NAALAD2: variants seen among roughly 807,000 people sequenced by gnomAD.
NAALAD2 encodes the protein N-acetylated-alpha-linked acidic dipeptidase 2.
NAALAD2 carries 89 observed loss-of-function variants against 95.6 expected under a neutral mutation model. The observed-to-expected ratio is 0.93, with a 90% CI of 0.78 to 1.11. The LOEUF is 1.11. Ranked by LOEUF, NAALAD2 falls within the 50% of genes least tolerant of loss-of-function variation. The pLI is 0.00. For synonymous variants in NAALAD2, 264 were observed against 294.4 expected, an observed-to-expected ratio of 0.90 and a Z score of 1.06; for missense variants, 894 against 872.4, an observed-to-expected ratio of 1.02 and a Z score of -0.31.
chr11:90,134,941 G>T (rs1162657462), intron 1 of NAALAD2, 101 bp downstream of exon 1: 13 of 1,310,758 alleles, frequency 9.9e-6, no homozygotes, highest in Middle Eastern at 3.7e-4. Flanking sequence ...CTGTGCGCTA[G>T]CCCTGGCCGG....
Position 90,141,056 on chromosome 11 carries a change from G to A in NAALAD2, c.194+5386G>A, listed in dbSNP as rs572565295. On this transcript the variant is annotated intron_variant, in intron 2 of 18. Coordinates refer to ENST00000534061, the MANE Select transcript of NAALAD2 (RefSeq NM_005467.4). ...CTATTTCTAGATTCTCTCTTTTGTAGAGACAGAGTCTTATTCTGTTTCTGG... is the reference window on the plus strand; with the variant it reads ...CTATTTCTAGATTCTCTCTTTTGTAAAGACAGAGTCTTATTCTGTTTCTGG... Among the ~76,000 whole-genome samples the A allele has an allele frequency of 2.0e-5, 3 of 152,206 alleles. No individual in the cohort carries two copies. The East Asian group carries it at 5.8e-4, about 29-fold the overall frequency.
At chr11:90,154,026 CCTTCCT>C (rs1388835565) in intron 6 of NAALAD2, among the ~76,000 whole-genome samples, 1 of 82,792 alleles carries the variant, frequency 1.2e-5, no homozygotes, top group Non-Finnish European at 2.4e-5. Flanking sequence ...ACATGCCCTT[CCTTCCT>C]CTCTCTCTCT....
intron 6 of NAALAD2, among the ~76,000 whole-genome samples, chr11:90,155,743 G>GTAT (rs1451291426): frequency 8.6e-6 from 1 of 116,220 alleles, no homozygotes; most frequent in Non-Finnish European, 1.7e-5. Context: ...ACATATGTAT[G>GTAT]TATTATTACA....
At chr11:90,136,809 G>C (rs546612303) in intron 2 of NAALAD2, among the ~76,000 whole-genome samples, 2 of 152,268 alleles carry the variant, frequency 1.3e-5, no homozygotes, top group African/African-American at 4.8e-5. Context: ...ATAAGCATAA[G>C]TTTAACTTTT....
chr11:90,173,912 C>A lies in NAALAD2; in HGVS notation c.1499C>A (p.Pro500His), dbSNP rs1373471490. Reference protein sequence around the residue: ...KDPSPENKNLPRINKLGSGSD... With the variant: ...KDPSPENKNLHRINKLGSGSD... Reference sequence around the variant, plus strand: ...CCTTCACCTGAAAATAAAAATTTGCCTAGGTAAGTTACTGATATGCACCTT... The same window carrying A: ...CCTTCACCTGAAAATAAAAATTTGCATAGGTAAGTTACTGATATGCACCTT... The change falls in exon 14 of 19, where the codon CCT becomes CAT. Residue 500 changes from proline to histidine, a missense_variant. Transcript: ENST00000534061. 2 of 1,607,808 alleles carry A rather than the reference C, an allele frequency of 1.2e-6. No homozygotes were observed. The highest frequency in any genetic ancestry group is 2.7e-5 in the African/African-American group (2 of 74,562).
chr11:90,152,093 C>A (rs1314617113), intron 5 of NAALAD2, among the ~76,000 whole-genome samples: 1 of 152,058 alleles, frequency 6.6e-6, no homozygotes, highest in East Asian at 1.9e-4. Context: ...GAAATGATAA[C>A]TCGTTTAGAT....
chr11:90,180,901 A>C (rs1273047419), intron 16 of NAALAD2, among the ~76,000 whole-genome samples: 1 of 152,122 alleles, frequency 6.6e-6, no homozygotes, highest in Non-Finnish European at 1.5e-5. Flanking sequence ...AGTTATATAT[A>C]GGCATTGTAT....
chr11:90,153,659 G>A (rs542394285), intron 6 of NAALAD2, among the ~76,000 whole-genome samples: 102 of 152,008 alleles, frequency 6.7e-4, no homozygotes, highest in Non-Finnish European at 9.1e-4. Flanking sequence ...CAATATTTGG[G>A]AGAATTGAAT....
At position 90,163,523 on chromosome 11, in the gene NAALAD2, C is replaced by A. The variant is rs750257898; in HGVS notation, c.1196-12C>A. 3 of 1,613,462 alleles carry A rather than the reference C, an allele frequency of 1.9e-6. No homozygotes were observed. ...AGTTGTACCTAACCACGTGTGTTAA[C>A]AATTCTTACAGGCTGGAGACCTAGA... On this transcript the variant is annotated splice_polypyrimidine_tract_variant and intron_variant, in intron 10 of 18. Transcript: ENST00000534061.
intron 6 of NAALAD2, among the ~76,000 whole-genome samples, chr11:90,152,795 T>C (rs1402502180): frequency 6.6e-6 from 1 of 152,172 alleles, no homozygotes; most frequent in East Asian, 1.9e-4. Context: ...TTAGGTTTGC[T>C]GAATTACCGA....
At chr11:90,185,128 A>T (rs1857096717) in intron 18 of NAALAD2, among the ~76,000 whole-genome samples, 1 of 151,856 alleles carries the variant, frequency 6.6e-6, no homozygotes, top group South Asian at 2.1e-4. Flanking sequence ...CTGAGGAATT[A>T]CTGTATATAC....
In NAALAD2 at chr11:90,159,248, AG is replaced by A. The variant is rs771030734; in HGVS notation, c.902del (p.Gly301GlufsTer15). On this transcript the variant is annotated frameshift_variant, in exon 8 of 19. Transcript: ENST00000534061. LOFTEE classifies it high-confidence loss of function. ...DAEILLRYLG[G>X]IAPPDKSWKG... ...CATTTTATTTTGTCAGCTACTTGGG[AG>A]GAATTGCTCCACCAGATAAGAGTTG... The A allele has an allele frequency of 1.2e-6, 2 of 1,612,578 alleles. No individual in the cohort carries two copies. The highest frequency in any genetic ancestry group is 3.3e-5 in the Admixed American group (2 of 59,974).
At position 90,192,880 on chromosome 11, in the gene NAALAD2, T is replaced by G. The variant is rs748966244; in HGVS notation, c.*1133T>G. ...TGATTAAAGCTTCAATAAACTTGGT[T>G]GTTCATCTACTTCACCAAAACGAGT... On this transcript the variant is annotated 3_prime_UTR_variant, in exon 19 of 19. Coordinates refer to ENST00000534061, the MANE Select transcript of NAALAD2 (RefSeq NM_005467.4). 6.6e-6 allele frequency: 1 copy of G among 152,010 alleles called. No homozygotes were observed. Among genetic ancestry groups the G allele is most frequent in the Non-Finnish European group, 1.5e-5 (1 of 67,904 alleles). The allele number at this position is 152,010 out of a possible 1,614,324, so 9.4% of individuals were successfully genotyped here.
chr11:90,168,017 C>G (rs897551677), intron 11 of NAALAD2, among the ~76,000 whole-genome samples: 1 of 152,162 alleles, frequency 6.6e-6, no homozygotes, highest in African/African-American at 2.4e-5. Context: ...TTGCTCTTTG[C>G]AATATTGCTG....
chr11:90,168,905 G>T, intron 11 of NAALAD2, 24 bp from the exon 12 acceptor site: 1 of 1,575,462 alleles, frequency 6.3e-7, no homozygotes, highest in African/African-American at 1.4e-5. Flanking sequence ...TGTGAATTAA[G>T]TAACAACTTT....
chr11:90,186,239 C>T (rs1230900157), intron 18 of NAALAD2, among the ~76,000 whole-genome samples: 1 of 149,634 alleles, frequency 6.7e-6, no homozygotes, highest in East Asian at 2.0e-4. Flanking sequence ...CATGTGATCT[C>T]ATTGTTCAAT....
intron 6 of NAALAD2, among the ~76,000 whole-genome samples, chr11:90,155,418 C>CATATTAT (rs1565522773): frequency 1.3e-5 from 1 of 79,306 alleles, no homozygotes; most frequent in South Asian, 3.6e-4. Flanking sequence ...TGTAATATTA[C>CATATTAT]ATATTATACA....
intron 11 of NAALAD2, among the ~76,000 whole-genome samples, chr11:90,164,880 A>C (rs1309753220): frequency 6.6e-6 from 1 of 152,094 alleles, no homozygotes; most frequent in Admixed American, 6.5e-5. Context: ...TATGAAACTA[A>C]TATTGTGGTA....
At position 90,144,557 on chromosome 11, in the gene NAALAD2, A is replaced by G. The variant is rs562125740; in HGVS notation, c.195-2773A>G. 1.7e-3 allele frequency among the ~76,000 whole-genome samples: 255 copies of G among 152,018 alleles called. 2 individuals are homozygous for G. The highest frequency in any genetic ancestry group is 5.7e-3 in the African/African-American group (235 of 41,464). On this transcript the variant is annotated intron_variant, in intron 2 of 18. Coordinates refer to ENST00000534061, the MANE Select transcript of NAALAD2 (RefSeq NM_005467.4). ...GGAATTCAAAACCAGCCTGTCCAAC[A>G]TAATGAAACCCCACCTCTATTAAAA...
Sources: gnomAD v4.1 joint callset for allele counts (sites outside exome capture counted in the v4.1 genomes callset) on GRCh38, gnomAD v4.1.1 for gene constraint, MANE v1.5 for transcripts, NCBI Gene and HGNC (gene_info 2026-07-23, HGNC 2026-07-21) for gene names.